The following GRIK2 variants were observed in gnomAD, a reference collection of about 807,000 sequenced individuals.
GRIK2 encodes glutamate receptor ionotropic, kainate 2.
A neutral mutation model predicts 100.3 loss-of-function variants in GRIK2; 32 were observed. The observed-to-expected ratio is 0.32, with a 90% CI of 0.24 to 0.43. The LOEUF (loss-of-function observed/expected upper bound fraction) is 0.43. Among genes scored for constraint, GRIK2 ranks in the 20% least tolerant of loss-of-function variants. GRIK2 has a pLI of 1.00. For missense variants in GRIK2, 843 were observed against 1,114.9 expected (o/e 0.76, Z 3.47); for synonymous variants, 417 against 389.4 (o/e 1.07, Z -0.83).
Position 102,055,599 on chromosome 6 carries a change from A to C in GRIK2, c.2562+19A>C. On this transcript the variant is annotated intron_variant, in intron 16 of 16. Transcript: ENST00000369134. ...GGAAAAGGTAAATGTTACTTGTTTC[A>C]GTTTAAATTTAAAACAATTTTTGTT... is the stretch of plus-strand genomic sequence containing the variant. The C allele has an allele frequency of 6.4e-7, 1 of 1,570,394 alleles. No individual in the cohort carries two copies. Among genetic ancestry groups the C allele is most frequent in the Non-Finnish European group, 8.7e-7 (1 of 1,147,132 alleles).
intron 2 of GRIK2, among the ~76,000 whole-genome samples, chr6:101,581,287 C>T (rs907414902): frequency 2.0e-5 from 3 of 149,682 alleles, no homozygotes; most frequent in East Asian, 2.0e-4. Context: ...TGTATACACA[C>T]GTGTGTGTGT....
At chr6:101,980,082 G>A (rs1168627243) in intron 14 of GRIK2, among the ~76,000 whole-genome samples, 1 of 151,904 alleles carries the variant, frequency 6.6e-6, no homozygotes, top group African/African-American at 2.4e-5. Context: ...TGGTGAGCGG[G>A]TGAGGAAACA....
intron 2 of GRIK2, among the ~76,000 whole-genome samples, chr6:101,424,888 A>T (rs1582419585): frequency 6.6e-6 from 1 of 152,222 alleles, no homozygotes; most frequent in East Asian, 1.9e-4. Flanking sequence ...CCTACAAAGG[A>T]CACGAACTCT....
intron 14 of GRIK2, among the ~76,000 whole-genome samples, chr6:101,964,761 C>T (rs1199924667): frequency 6.6e-6 from 1 of 152,056 alleles, no homozygotes; most frequent in Non-Finnish European, 1.5e-5. Context: ...TACACCACCA[C>T]AGTAAGAAAC....
At chr6:101,513,277 G>A (rs949853202) in intron 2 of GRIK2, among the ~76,000 whole-genome samples, 8 of 152,126 alleles carry the variant, frequency 5.3e-5, no homozygotes, top group Non-Finnish European at 1.0e-4. Flanking sequence ...TTGACAATTG[G>A]TTGAGTTTTT....
At chr6:101,717,719 A>G (rs972024413) in intron 7 of GRIK2, among the ~76,000 whole-genome samples, 2 of 151,832 alleles carry the variant, frequency 1.3e-5, no homozygotes, top group Non-Finnish European at 2.9e-5. Context: ...TTGAACATGT[A>G]ACTACCTGAA....
At chr6:101,904,096 T>C (rs995507296) in intron 12 of GRIK2, among the ~76,000 whole-genome samples, 1 of 151,498 alleles carries the variant, frequency 6.6e-6, no homozygotes, top group Non-Finnish European at 1.5e-5. Context: ...CTATTATCTC[T>C]AATTTTATGT....
chr6:101,404,372 T>C (rs1393892719), intron 2 of GRIK2, among the ~76,000 whole-genome samples: 1 of 152,240 alleles, frequency 6.6e-6, no homozygotes, highest in Non-Finnish European at 1.5e-5. Context: ...ATGATAACAA[T>C]GACATAATCT....
At chr6:101,876,643 T>C (rs991153315) in intron 11 of GRIK2, among the ~76,000 whole-genome samples, 2 of 151,876 alleles carry the variant, frequency 1.3e-5, no homozygotes, top group African/African-American at 4.8e-5. Context: ...AGATTTAATG[T>C]GCACTACTCA....
intron 2 of GRIK2, 52 bp downstream of exon 2, chr6:101,399,444 G>A (rs760868036): frequency 1.1e-6 from 1 of 890,238 alleles, no homozygotes; most frequent in Non-Finnish European, 1.9e-6. Flanking sequence ...CAGGCAGCCG[G>A]ATGTAAACAG....
At chr6:101,610,135 A>G (rs1779606917) in intron 2 of GRIK2, among the ~76,000 whole-genome samples, 3 of 151,562 alleles carry the variant, frequency 2.0e-5, no homozygotes, top group Admixed American at 6.6e-5. Flanking sequence ...ACATTTATAT[A>G]TAATAGTAAA....
At chr6:101,771,664 T>C (rs2128397507) in intron 7 of GRIK2, among the ~76,000 whole-genome samples, 1 of 147,204 alleles carries the variant, frequency 6.8e-6, no homozygotes, top group African/African-American at 2.5e-5. Context: ...GTATATCTCC[T>C]AATGCTATCC....
At chr6:101,547,603 A>T (rs952504357) in intron 2 of GRIK2, among the ~76,000 whole-genome samples, 1 of 152,172 alleles carries the variant, frequency 6.6e-6, no homozygotes, top group African/African-American at 2.4e-5. Context: ...ATTTGCTGAG[A>T]ATGATGGTTT....
intron 4 of GRIK2, among the ~76,000 whole-genome samples, chr6:101,674,662 A>T (rs190798853): frequency 1.7e-3 from 255 of 152,284 alleles, no homozygotes; most frequent in Non-Finnish European, 1.9e-3. Flanking sequence ...TGTTTAATGG[A>T]TGCATTTAAT....
chr6:101,737,600 C>T (rs945254880), intron 7 of GRIK2, among the ~76,000 whole-genome samples: 1 of 152,150 alleles, frequency 6.6e-6, no homozygotes, highest in African/African-American at 2.4e-5. Context: ...GGTCCCTCCA[C>T]AACATGTGGC....
chr6:102,059,367 A>G (rs984760746), intron 16 of GRIK2, among the ~76,000 whole-genome samples: 1 of 151,276 alleles, frequency 6.6e-6, no homozygotes, highest in African/African-American at 2.4e-5. Context: ...TGAAAAGGTA[A>G]CTAATCAACA....
intron 12 of GRIK2, among the ~76,000 whole-genome samples, chr6:101,891,850 C>T: frequency 6.6e-6 from 1 of 151,996 alleles, no homozygotes; most frequent in Non-Finnish European, 1.5e-5. Flanking sequence ...AATAAAACAG[C>T]CTTCACATTT....
intron 4 of GRIK2, among the ~76,000 whole-genome samples, chr6:101,666,024 A>C (rs2128336035): frequency 6.6e-6 from 1 of 152,234 alleles, no homozygotes; most frequent in Non-Finnish European, 1.5e-5. Flanking sequence ...CCTCACTTTA[A>C]CACCAGCTGA....
At chr6:101,904,443 A>G (rs1176252898) in intron 12 of GRIK2, among the ~76,000 whole-genome samples, 1 of 151,526 alleles carries the variant, frequency 6.6e-6, no homozygotes, top group Non-Finnish European at 1.5e-5. Context: ...CATACAATAA[A>G]TGTGTAAATT....
Sources: gnomAD v4.1 joint callset for allele counts (sites outside exome capture counted in the v4.1 genomes callset) on GRCh38, gnomAD v4.1.1 for gene constraint, MANE v1.5 for transcripts, NCBI Gene and HGNC (gene_info 2026-07-23, HGNC 2026-07-21) for gene names.